ADAM12: variants seen among roughly 807,000 people sequenced by gnomAD.
ADAM12 encodes the protein ADAM metallopeptidase domain 12.
ADAM12 carries 70 observed loss-of-function variants against 106.4 expected under a neutral mutation model. The observed-to-expected ratio is 0.66, with a 90% CI of 0.54 to 0.80. The LOEUF is 0.80. Among genes scored for constraint, ADAM12 ranks in the 30% least tolerant of loss-of-function variants. The pLI is 0.00. For synonymous variants in ADAM12, 420 were observed against 433.5 expected, an observed-to-expected ratio of 0.97 and a Z score of 0.39; for missense variants, 1,010 against 1,171.9, an observed-to-expected ratio of 0.86 and a Z score of 2.02.
In ADAM12 at chr10:126,309,869, A is replaced by ATGAAAT. The variant is rs1961005649; in HGVS notation, c.186+20537_186+20542dup. The stretch of plus-strand genomic sequence containing the variant: ...TGTGTCATGTTAACAGAAGCGACAG[A>ATGAAAT]TGAAATGGGCTGGGTGCAGTGGCTC... On this transcript the variant is annotated intron_variant, in intron 2 of 22. Transcript: ENST00000448723. 2.6e-5 allele frequency among the ~76,000 whole-genome samples: 4 copies of ATGAAAT among 152,268 alleles called. No homozygotes were observed. In the South Asian group the frequency reaches 8.3e-4, roughly 32 times the overall value.
At chr10:126,189,048 C>T (rs781489157) in intron 3 of ADAM12, among the ~76,000 whole-genome samples, 9 of 152,148 alleles carry the variant, frequency 5.9e-5, no homozygotes, top group Non-Finnish European at 8.8e-5. Flanking sequence ...GTTGCACAAA[C>T]GTCCCTTTTC....
At chr10:126,188,297 A>C (rs886637415) in intron 3 of ADAM12, among the ~76,000 whole-genome samples, 3 of 151,298 alleles carry the variant, frequency 2.0e-5, no homozygotes, top group Non-Finnish European at 4.4e-5. Flanking sequence ...CCTTTGCTAG[A>C]CTCCATGTGT....
At chr10:126,294,112 T>C (rs893351771) in intron 2 of ADAM12, among the ~76,000 whole-genome samples, 1 of 152,220 alleles carries the variant, frequency 6.6e-6, no homozygotes, top group Non-Finnish European at 1.5e-5. Flanking sequence ...CCTCATAAAA[T>C]GCGCTCATCC....
At chr10:126,154,051 A>T (rs1218258500) in intron 4 of ADAM12, among the ~76,000 whole-genome samples, 2 of 152,114 alleles carry the variant, frequency 1.3e-5, no homozygotes, top group Admixed American at 1.3e-4. Context: ...TTCACAGAGG[A>T]AAGCAGCTCT....
At chr10:126,380,918 T>A (rs780428479) in intron 1 of ADAM12, among the ~76,000 whole-genome samples, 1 of 152,194 alleles carries the variant, frequency 6.6e-6, no homozygotes, top group Non-Finnish European at 1.5e-5. Flanking sequence ...ACCATTTAGC[T>A]TAAGGAGGCC....
At chr10:126,260,785 C>A (rs1958986265) in intron 3 of ADAM12, among the ~76,000 whole-genome samples, 1 of 152,084 alleles carries the variant, frequency 6.6e-6, no homozygotes, top group African/African-American at 2.4e-5. Context: ...CTATCATGTC[C>A]ACCCCAAAGC....
At chr10:126,137,913 T>C (rs1411641127) in intron 4 of ADAM12, among the ~76,000 whole-genome samples, 2 of 152,208 alleles carry the variant, frequency 1.3e-5, no homozygotes, top group East Asian at 1.9e-4. Flanking sequence ...GACACGTGGG[T>C]CTAAAAGTAA....
At chr10:126,068,631 T>C (rs113085826) in intron 12 of ADAM12, among the ~76,000 whole-genome samples, 28 of 152,246 alleles carry the variant, frequency 1.8e-4, no homozygotes, top group African/African-American at 5.8e-4. Context: ...TCCAATGCCC[T>C]GTCCGGGAAG....
At chr10:126,371,804 C>T (rs1445336877) in intron 1 of ADAM12, among the ~76,000 whole-genome samples, 1 of 152,204 alleles carries the variant, frequency 6.6e-6, no homozygotes, top group Non-Finnish European at 1.5e-5. Flanking sequence ...CGCTTATCCT[C>T]CCTCCCACAT....
At chr10:126,292,388 C>T (rs564222994) in intron 2 of ADAM12, among the ~76,000 whole-genome samples, 1 of 152,250 alleles carries the variant, frequency 6.6e-6, no homozygotes, top group East Asian at 1.9e-4. Context: ...CTCCACAGTT[C>T]CTTCTATTCC....
chr10:126,071,517 A>G lies in ADAM12; in HGVS notation c.1283T>C (p.Phe428Ser). ...GTCACACTCCTCTCCTTCTTCCACA[A>G]ATCTGTTCCCACACTTCTGGCCCCC... is the stretch of plus-strand genomic sequence containing the variant. The part of the protein sequence containing the change: ...SFGGQKCGNR[F>S]VEEGEECDCG... Residue 428 changes from phenylalanine to serine, a missense_variant, in exon 12 of 23, where the codon TTT becomes TCT. Physicochemically the swap from Phe to Ser is radical, Grantham distance 155. This residue lies in a region of ADAM12 where 615 missense variants were observed against 708.5 expected (regional missense o/e 0.87). Coordinates refer to ENST00000448723, the MANE Select transcript of ADAM12 (RefSeq NM_001288973.2). 2 of 1,613,940 alleles carry G rather than the reference A, an allele frequency of 1.2e-6. No homozygotes were observed. The highest frequency in any genetic ancestry group is 1.7e-6 in the Non-Finnish European group (2 of 1,179,980).
Position 126,022,755 on chromosome 10 carries a change from T to A in ADAM12, c.2530-2930A>T, listed in dbSNP as rs140684086. On this transcript the variant is annotated intron_variant, in intron 21 of 22. Transcript: ENST00000448723. ...AGATTGCTCACACACGATAAACATT[T>A]CTTTAAATCTATTTTCATTTTAAAC... Among the ~76,000 whole-genome samples the A allele has an allele frequency of 8.1e-3, 1,236 of 152,344 alleles. 21 individuals are homozygous for A. Among genetic ancestry groups the A allele is most frequent in the African/African-American group, 0.029 (1,200 of 41,580 alleles).
intron 2 of ADAM12, among the ~76,000 whole-genome samples, chr10:126,307,669 T>C (rs1240431592): frequency 6.6e-6 from 1 of 152,142 alleles, no homozygotes; most frequent in Non-Finnish European, 1.5e-5. Context: ...GCTTCCTGAG[T>C]AGCTGGGACT....
chr10:126,052,807 C>T (rs1479609463), intron 14 of ADAM12, among the ~76,000 whole-genome samples: 1 of 152,166 alleles, frequency 6.6e-6, no homozygotes, highest in Non-Finnish European at 1.5e-5. Context: ...CAAGCAAAGG[C>T]ATGGAAACAG....
chr10:126,080,986 A>G (rs933797238), intron 11 of ADAM12, among the ~76,000 whole-genome samples: 7 of 152,202 alleles, frequency 4.6e-5, no homozygotes, highest in Non-Finnish European at 8.8e-5. Flanking sequence ...CGACAGTAGA[A>G]GTCGGGAGTT....
intron 5 of ADAM12, among the ~76,000 whole-genome samples, chr10:126,125,720 C>T (rs373644164): frequency 2.6e-5 from 4 of 151,810 alleles, no homozygotes; most frequent in Admixed American, 6.6e-5. Flanking sequence ...GACCTGTGAA[C>T]GTGACCTTAT....
intron 11 of ADAM12, among the ~76,000 whole-genome samples, chr10:126,080,358 C>T (rs929636161): frequency 2.0e-5 from 3 of 152,138 alleles, no homozygotes; most frequent in Non-Finnish European, 4.4e-5. Context: ...TTTAACATGT[C>T]TAATAAATTA....
intron 5 of ADAM12, among the ~76,000 whole-genome samples, chr10:126,132,532 C>CG (rs914916867): frequency 3.5e-5 from 5 of 141,782 alleles, no homozygotes; most frequent in Non-Finnish European, 6.2e-5. Flanking sequence ...ACACCCCCCC[C>CG]CCCTCAACTA....
rs1465426224 is a variant in ADAM12, at chr10:126,220,797, G to A, written c.260+58118C>T. On this transcript the variant is annotated intron_variant, in intron 3 of 22. Transcript: ENST00000448723. Reference sequence around the variant, plus strand: ...GAATAATTGTCACCTATTAGGAGCCGCTCCTCCCAGACACAAATCTGGCAG... The same window carrying A: ...GAATAATTGTCACCTATTAGGAGCCACTCCTCCCAGACACAAATCTGGCAG... Among the ~76,000 whole-genome samples the A allele has an allele frequency of 2.6e-5, 4 of 152,312 alleles. No individual in the cohort carries two copies. The South Asian group carries it at 8.3e-4, about 32-fold the overall frequency.
Sources: allele counts gnomAD v4.1 joint callset (sites outside exome capture counted in the v4.1 genomes callset), GRCh38; gene constraint gnomAD v4.1.1; regional missense constraint gnomAD v4.1.1; transcripts MANE v1.5; gene names NCBI Gene and HGNC (gene_info 2026-07-23, HGNC 2026-07-21).